CSGALNACT1: variants seen among roughly 807,000 people sequenced by gnomAD.
The protein encoded by CSGALNACT1 is chondroitin sulfate N-acetylgalactosaminyltransferase 1.
CSGALNACT1 carries 52 observed loss-of-function variants against 51.0 expected under a neutral mutation model. The ratio of observed to expected loss-of-function variants is 1.02; its 90% CI spans 0.82 to 1.29. The LOEUF (loss-of-function observed/expected upper bound fraction) is 1.29. CSGALNACT1 is among the 50% of genes most tolerant of loss of function. CSGALNACT1 has a pLI of 0.00. For synonymous variants in CSGALNACT1, 341 were observed against 254.4 expected, an observed-to-expected ratio of 1.34 and a Z score of -3.24; for missense variants, 935 against 679.2, an observed-to-expected ratio of 1.38 and a Z score of -4.19.
chr8:19,591,131 TAGA>T (rs1306189883), intron 3 of CSGALNACT1: 9 of 152,206 alleles, frequency 5.9e-5, no homozygotes, highest in Non-Finnish European at 1.2e-4. Context: ...AGCTGATATT[TAGA>T]AGAAGAGATC....
chr8:19,705,458 C>T (rs1399941352), intron 1 of CSGALNACT1, among the ~76,000 whole-genome samples: 1 of 152,140 alleles, frequency 6.6e-6, no homozygotes, highest in East Asian at 1.9e-4. Flanking sequence ...GAAGGCTGGG[C>T]ACAGTGGCTC....
At chr8:19,572,880 G>A in intron 3 of CSGALNACT1, among the ~76,000 whole-genome samples, 1 of 152,180 alleles carries the variant, frequency 6.6e-6, no homozygotes. Context: ...AATCCGTAAT[G>A]AGATATAATT....
intron 1 of CSGALNACT1, among the ~76,000 whole-genome samples, chr8:19,628,214 GT>G (rs1332729316): frequency 7.2e-5 from 11 of 152,152 alleles, no homozygotes; most frequent in African/African-American, 2.7e-4. Flanking sequence ...AAGGAAAGAG[GT>G]TAATAGACTC....
chr8:19,677,590 G>A (rs1388343990), intron 1 of CSGALNACT1, among the ~76,000 whole-genome samples: 1 of 152,206 alleles, frequency 6.6e-6, no homozygotes, highest in Non-Finnish European at 1.5e-5. Context: ...CAGGGCCAGA[G>A]TATGCACATT....
At chr8:19,565,716 C>G (rs1364554821) in intron 3 of CSGALNACT1, among the ~76,000 whole-genome samples, 2 of 152,144 alleles carry the variant, frequency 1.3e-5, no homozygotes, top group Non-Finnish European at 2.9e-5. Context: ...GTCAGGTGTT[C>G]AAGACCAGCC....
chr8:19,734,511 C>T (rs1471230605), intron 1 of CSGALNACT1, among the ~76,000 whole-genome samples: 1 of 152,202 alleles, frequency 6.6e-6, no homozygotes, highest in Non-Finnish European at 1.5e-5. Flanking sequence ...CTGGGCTGAG[C>T]TCTCTGAACC....
intron 3 of CSGALNACT1, among the ~76,000 whole-genome samples, chr8:19,560,406 A>G (rs1329725632): frequency 1.3e-5 from 2 of 152,336 alleles, no homozygotes; most frequent in Non-Finnish European, 2.9e-5. Context: ...CATCAAAATT[A>G]AAAACTTTCT....
At chr8:19,507,172 A>T (rs1011894667) in intron 3 of CSGALNACT1, among the ~76,000 whole-genome samples, 6 of 152,214 alleles carry the variant, frequency 3.9e-5, no homozygotes, top group African/African-American at 1.4e-4. Context: ...TACAGACAGG[A>T]GATGAATTTA....
intron 3 of CSGALNACT1, among the ~76,000 whole-genome samples, chr8:19,510,430 A>G (rs899454130): frequency 6.6e-6 from 1 of 151,954 alleles, no homozygotes; most frequent in African/African-American, 2.4e-5. Context: ...GTCTCAGTCC[A>G]CTCTATCTAG....
At position 19,436,515 on chromosome 8, in the gene CSGALNACT1, A is replaced by C. The variant is rs367709579; in HGVS notation, c.953+3315T>G. On this transcript the variant is annotated intron_variant, in intron 6 of 9. Transcript: ENST00000454498. ...AAATACTATAATTTATGCAAGTTAC[A>C]TTATTCAGAAATAAGATACCTCTGA... Among the ~76,000 whole-genome samples the C allele has an allele frequency of 2.6e-5, 4 of 152,230 alleles. No individual in the cohort carries two copies. The East Asian group carries it at 7.7e-4, about 29-fold the overall frequency.
At chr8:19,429,948 T>C (rs1301510368) in intron 6 of CSGALNACT1, among the ~76,000 whole-genome samples, 1 of 152,216 alleles carries the variant, frequency 6.6e-6, no homozygotes, top group Non-Finnish European at 1.5e-5. Flanking sequence ...TAGGTTTCAT[T>C]TGCATTTTTC....
At chr8:19,659,588 G>C (rs1349864793) in intron 1 of CSGALNACT1, among the ~76,000 whole-genome samples, 2 of 152,200 alleles carry the variant, frequency 1.3e-5, no homozygotes, top group African/African-American at 2.4e-5. Flanking sequence ...AATCTGCCTG[G>C]ATCACATAAG....
intron 6 of CSGALNACT1, among the ~76,000 whole-genome samples, chr8:19,424,635 G>C (rs1193014594): frequency 6.6e-6 from 1 of 152,176 alleles, no homozygotes; most frequent in African/African-American, 2.4e-5. Flanking sequence ...GGAGGAATTG[G>C]CTTCTTCAAG....
At chr8:19,742,078 A>G (rs1431183578) in intron 1 of CSGALNACT1, among the ~76,000 whole-genome samples, 1 of 152,236 alleles carries the variant, frequency 6.6e-6, no homozygotes, top group East Asian at 1.9e-4. Flanking sequence ...TCCTAAAGCA[A>G]CTGGCATACA....
intron 4 of CSGALNACT1, among the ~76,000 whole-genome samples, chr8:19,483,611 C>T (rs1473840885): frequency 6.6e-6 from 1 of 152,198 alleles, no homozygotes; most frequent in African/African-American, 2.4e-5. Context: ...CCACACCCTA[C>T]AAGAGTGGAT....
At chr8:19,691,428 AAAC>A (rs1231391835) in intron 1 of CSGALNACT1, among the ~76,000 whole-genome samples, 1 of 151,934 alleles carries the variant, frequency 6.6e-6, no homozygotes, top group Non-Finnish European at 1.5e-5. Context: ...TTCTTAAAAC[AAAC>A]AAAACAAAAC....
chr8:19,535,374 C>T (rs529363391), intron 3 of CSGALNACT1, among the ~76,000 whole-genome samples: 2 of 152,268 alleles, frequency 1.3e-5, no homozygotes, highest in South Asian at 2.1e-4. Context: ...CCATTAACAA[C>T]TTCTACTCCA....
chr8:19,700,302 G>T (rs556505162), intron 1 of CSGALNACT1, among the ~76,000 whole-genome samples: 4 of 151,962 alleles, frequency 2.6e-5, no homozygotes, highest in Non-Finnish European at 5.9e-5. Context: ...TCACAGGTTT[G>T]CTTTCAACTT....
chr8:19,636,593 C>T (rs2154173632), intron 1 of CSGALNACT1, among the ~76,000 whole-genome samples: 1 of 152,262 alleles, frequency 6.6e-6, no homozygotes, highest in Admixed American at 6.5e-5. Context: ...AATTATTTTT[C>T]ATACACCTGA....
Sources: gnomAD v4.1 joint callset for allele counts (sites outside exome capture counted in the v4.1 genomes callset) on GRCh38, gnomAD v4.1.1 for gene constraint, MANE v1.5 for transcripts, NCBI Gene and HGNC (gene_info 2026-07-23, HGNC 2026-07-21) for gene names.